Variants in MAP3K8 observed in about 807,000 individuals in gnomAD.
The protein encoded by MAP3K8 is mitogen-activated protein kinase kinase kinase 8, also known as Ewing sarcoma transformant.
In MAP3K8, 22 loss-of-function variants were observed where a neutral mutation model predicts 45.8. The ratio of observed to expected loss-of-function variants is 0.48; its 90% CI spans 0.34 to 0.69. MAP3K8 has a LOEUF of 0.69. Among genes scored for constraint, MAP3K8 ranks in the 30% least tolerant of loss-of-function variants. MAP3K8 has a pLI of 0.01. For missense variants in MAP3K8, 419 were observed against 585.0 expected, an observed-to-expected ratio of 0.72 and a Z score of 2.93; for synonymous variants, 223 against 214.3, an observed-to-expected ratio of 1.04 and a Z score of -0.36.
At chr10:30,455,929 C>T (rs369403351) in intron 6 of MAP3K8, among the ~76,000 whole-genome samples, 77 of 152,268 alleles carry the variant, frequency 5.1e-4, no homozygotes, top group South Asian at 2.1e-3. Context: ...ACAAGAGCTC[C>T]GAGCCAGGAA....
Position 30,461,581 on chromosome 10 carries a change from T to C in MAP3K8, c.*745T>C, listed in dbSNP as rs553510781. 9 of 190,358 alleles carry C rather than the reference T, an allele frequency of 4.7e-5. No individual in the cohort carries two copies. Among genetic ancestry groups the C allele is most frequent in the Non-Finnish European group, 7.7e-5 (7 of 90,560 alleles). 11.8% of individuals were successfully genotyped at this position (190,358 alleles called of 1,614,324 possible). On this transcript the variant is annotated 3_prime_UTR_variant, in exon 9 of 9. Coordinates refer to ENST00000263056, the MANE Select transcript of MAP3K8 (RefSeq NM_005204.4). ...GACCTTTAAGAAAAATGAAAACTTT[T>C]GTAAATTATTGATGATTTTGTAATT... is the stretch of plus-strand genomic sequence containing the variant.
chr10:30,437,363 T>C lies in MAP3K8; in HGVS notation c.-67T>C. 1.1e-6 allele frequency: 1 copy of C among 949,024 alleles called. No homozygotes were observed. Among genetic ancestry groups the C allele is most frequent in the Non-Finnish European group, 1.3e-6 (1 of 796,668 alleles). The allele number at this position is 949,024 out of a possible 1,614,324, so 58.8% of individuals were successfully genotyped here. On this transcript the variant is annotated 5_prime_UTR_variant, in exon 2 of 9. Coordinates refer to ENST00000263056, the MANE Select transcript of MAP3K8 (RefSeq NM_005204.4). ...ATGCCCCTGACACTGCACTGAGCAC[T>C]TTATGAGCTTGAACTCTGTTAATCC...
chr10:30,444,939 C>T (rs1363733868), intron 3 of MAP3K8, among the ~76,000 whole-genome samples: 3 of 152,166 alleles, frequency 2.0e-5, no homozygotes, highest in Admixed American at 6.5e-5. Flanking sequence ...AGTCAGTTTC[C>T]TCATCTGTGA....
intron 1 of MAP3K8, among the ~76,000 whole-genome samples, chr10:30,436,223 A>G (rs949831085): frequency 2.6e-5 from 4 of 152,236 alleles, no homozygotes; most frequent in Admixed American, 6.5e-5. Flanking sequence ...TACCTTCACA[A>G]TCTGAACTTT....
At chr10:30,451,554 T>G (rs1370298679) in intron 5 of MAP3K8, 84 bp from the exon 6 acceptor site, 2 of 644,774 alleles carry the variant, frequency 3.1e-6, no homozygotes, top group East Asian at 2.9e-5. Flanking sequence ...TGATTGGAGA[T>G]TCATTATTGT....
At chr10:30,442,789 A>C (rs771153834) in intron 3 of MAP3K8, among the ~76,000 whole-genome samples, 2 of 151,970 alleles carry the variant, frequency 1.3e-5, no homozygotes, top group Non-Finnish European at 2.9e-5. Context: ...ACAACTTTAT[A>C]TCTATAAGTG....
chr10:30,448,413 A>ATTTTTT (rs10641056), intron 4 of MAP3K8, among the ~76,000 whole-genome samples: 1 of 142,134 alleles, frequency 7.0e-6, no homozygotes, highest in East Asian at 2.0e-4. Context: ...CCTATCCCAA[A>ATTTTTT]TTTATTATTA....
intron 3 of MAP3K8, among the ~76,000 whole-genome samples, chr10:30,443,156 T>C (rs1364837200): frequency 6.6e-6 from 1 of 152,212 alleles, no homozygotes; most frequent in Non-Finnish European, 1.5e-5. Context: ...TGAATTAAAG[T>C]ACCTGGGTTA....
chr10:30,458,274 G>GT lies in MAP3K8; in HGVS notation c.1026+38_1026+39insT. On this transcript the variant is annotated intron_variant, in intron 7 of 8. Transcript: ENST00000263056. ...CAACCAGGGCTGGGGGCGGCGGGGGGGGGCGTTGAGTTATGCATCCCGCAG... is the reference window on the plus strand; with the variant it reads ...CAACCAGGGCTGGGGGCGGCGGGGGGTGGGCGTTGAGTTATGCATCCCGCAG... The GT allele has an allele frequency of 9.5e-6, 13 of 1,364,390 alleles. 2 individuals carry two copies. Among genetic ancestry groups the GT allele is most frequent in the African/African-American group, 1.5e-5 (1 of 67,290 alleles). The allele number at this position is 1,364,390 out of a possible 1,614,324, so 84.5% of individuals were successfully genotyped here.
intron 4 of MAP3K8, among the ~76,000 whole-genome samples, chr10:30,449,686 T>A (rs1375312263): frequency 2.0e-5 from 3 of 152,212 alleles, no homozygotes; most frequent in Non-Finnish European, 4.4e-5. Context: ...ATTTTTGTAT[T>A]TTTTGTAGTA....
In MAP3K8 at chr10:30,460,981, A is replaced by G. The variant is rs1488991958; in HGVS notation, c.*145A>G. ...CCTGTGACCCGTGAATGTGCCTCCA[A>G]GCGGCCCTGTGTGTTTGACATGTGA... On this transcript the variant is annotated 3_prime_UTR_variant, in exon 9 of 9. Coordinates refer to ENST00000263056, the MANE Select transcript of MAP3K8 (RefSeq NM_005204.4). 8 of 951,834 alleles carry G rather than the reference A, an allele frequency of 8.4e-6. No homozygotes were observed. The East Asian group carries it at 1.6e-4, about 19-fold the overall frequency. 59.0% of individuals were successfully genotyped at this position (951,834 alleles called of 1,614,324 possible). A position where few individuals can be genotyped will look rare whatever the true frequency, so the allele number is the denominator to read the frequency against.
chr10:30,454,744 G>A (rs2489847), intron 6 of MAP3K8, among the ~76,000 whole-genome samples: 82,389 of 151,312 alleles, frequency 0.54, 26,027 homozygotes, highest in Non-Finnish European at 0.71. Context: ...CAGAAGGGAA[G>A]CTGTACTTTT....
intron 3 of MAP3K8, among the ~76,000 whole-genome samples, chr10:30,446,286 G>A (rs566514981): frequency 2.6e-5 from 4 of 152,278 alleles, no homozygotes; most frequent in Admixed American, 2.0e-4. Context: ...TGTAATCCCA[G>A]AACTATAGGA....
chr10:30,460,560 C>A, intron 8 of MAP3K8, 146 bp from the exon 9 acceptor site: 1 of 559,800 alleles, frequency 1.8e-6, no homozygotes, highest in Non-Finnish European at 3.0e-6. Context: ...ATTATGTGAA[C>A]TTAGCCATAG....
Position 30,461,701 on chromosome 10 carries a change from A to G in MAP3K8, c.*865A>G, listed in dbSNP as rs1266627090. The G allele has an allele frequency of 5.4e-6, 1 of 185,116 alleles. No homozygotes were observed. The highest frequency in any genetic ancestry group is 1.1e-5 in the Non-Finnish European group (1 of 87,544). 11.5% of individuals were successfully genotyped at this position (185,116 alleles called of 1,614,324 possible). A position where few individuals can be genotyped will look rare whatever the true frequency, so the allele number is the denominator to read the frequency against. On this transcript the variant is annotated 3_prime_UTR_variant, in exon 9 of 9. Transcript: ENST00000263056. ...GCCTTCATGAATCTTTCATACATAT[A>G]TATATTTGTAACATTGTAAAGTATG...
chr10:30,439,420 A>G (rs1246297824), intron 3 of MAP3K8, 146 bp downstream of exon 3: 2 of 1,359,302 alleles, frequency 1.5e-6, no homozygotes, highest in African/African-American at 2.9e-5. Flanking sequence ...AAGTACTTCC[A>G]TGTTAAAGAT....
At chr10:30,444,163 C>T (rs912717746) in intron 3 of MAP3K8, among the ~76,000 whole-genome samples, 1 of 151,254 alleles carries the variant, frequency 6.6e-6, no homozygotes, top group Non-Finnish European at 1.5e-5. Context: ...GCACTCCAGC[C>T]TAGGTGACAG....
rs756322304 is a variant in MAP3K8 at position 30,447,811 on chromosome 10, A to G, written c.366A>G (p.Gln122=). The change falls in exon 4 of 9, where the codon CAA becomes CAG. Residue 122 remains glutamine (Q), a synonymous_variant. Transcript: ENST00000263056. Reference sequence around the variant, plus strand: ...TCACTCCCCAAAATGGACGTTACCAAATAGATTCCGATGTTCTCCTGATCC... The same window carrying G: ...TCACTCCCCAAAATGGACGTTACCAGATAGATTCCGATGTTCTCCTGATCC... The part of the protein sequence containing the change: ...MVITPQNGRY[Q]IDSDVLLIPW... 7.4e-6 allele frequency: 12 copies of G among 1,613,796 alleles called. No individual in the cohort carries two copies. The highest frequency in any genetic ancestry group is 3.4e-6 in the Non-Finnish European group (4 of 1,179,936).
rs1417410464 is a variant in MAP3K8, at chr10:30,434,230, C to T, written c.-403C>T. On this transcript the variant is annotated 5_prime_UTR_variant, in exon 1 of 9. Transcript: ENST00000263056. ...CTGCGCGCCACGCTCTGGGGTCCGG[C>T]GCCCTGGTTCCTGCTTCTGCCGCTG... 6.5e-6 allele frequency: 1 copy of T among 155,008 alleles called. No individual in the cohort carries two copies. Among genetic ancestry groups the T allele is most frequent in the Non-Finnish European group, 1.4e-5 (1 of 70,356 alleles). 9.6% of individuals were successfully genotyped at this position (155,008 alleles called of 1,614,324 possible).
Sources: allele counts gnomAD v4.1 joint callset (sites outside exome capture counted in the v4.1 genomes callset), GRCh38; gene constraint gnomAD v4.1.1; transcripts MANE v1.5; gene names NCBI Gene and HGNC (gene_info 2026-07-23, HGNC 2026-07-21).